Variants in SULF1 observed in about 807,000 individuals in gnomAD.
SULF1 encodes the protein extracellular sulfatase Sulf-1.
SULF1 carries 46 observed loss-of-function variants against 110.5 expected under a neutral mutation model. The ratio of observed to expected loss-of-function variants is 0.42; its 90% CI spans 0.33 to 0.53. The LOEUF (loss-of-function observed/expected upper bound fraction) is 0.53, where lower values mean the gene tolerates loss of function less well. Ranked by LOEUF, SULF1 falls within the 20% of genes least tolerant of loss-of-function variation. The pLI is 0.12. For synonymous variants in SULF1, 371 were observed against 387.1 expected, an observed-to-expected ratio of 0.96 and a Z score of 0.49; for missense variants, 941 against 1,094.2, an observed-to-expected ratio of 0.86 and a Z score of 1.98.
At chr8:69,593,095 A>G (rs553807664) in intron 8 of SULF1, 5 of 395,170 alleles carry the variant, frequency 1.3e-5, no homozygotes, top group South Asian at 1.0e-4. Flanking sequence ...TGCACCTAGA[A>G]TGTGGTCTCC....
In SULF1 at chr8:69,659,126, T is replaced by C. The variant is rs773376768; in HGVS notation, c.*591T>C. On this transcript the variant is annotated 3_prime_UTR_variant, in exon 23 of 23. Coordinates refer to ENST00000402687, the MANE Select transcript of SULF1 (RefSeq NM_001128205.2). ...CAGTATGGTGGTCCTGGAAAGGACA[T>C]TTTTGAAGATCAACTATATCTTCCT... 2.2e-6 allele frequency: 1 copy of C among 456,606 alleles called. No homozygotes were observed. Among genetic ancestry groups the C allele is most frequent in the Admixed American group, 2.3e-5 (1 of 42,556 alleles). 28.3% of individuals were successfully genotyped at this position (456,606 alleles called of 1,614,324 possible).
At chr8:69,500,121 A>G (rs1810691430) in intron 2 of SULF1, among the ~76,000 whole-genome samples, 1 of 152,186 alleles carries the variant, frequency 6.6e-6, no homozygotes, top group Admixed American at 6.5e-5. Context: ...TTCTGGTCTC[A>G]TTTCATGAAA....
chr8:69,650,367 C>T (rs1004916044), intron 22 of SULF1, among the ~76,000 whole-genome samples: 2 of 152,120 alleles, frequency 1.3e-5, no homozygotes, highest in African/African-American at 4.8e-5. Flanking sequence ...TATGGAGGCT[C>T]ACACCTGTAA....
chr8:69,601,362 T>C (rs1807789834), intron 9 of SULF1, among the ~76,000 whole-genome samples: 1 of 152,160 alleles, frequency 6.6e-6, no homozygotes, highest in South Asian at 2.1e-4. Context: ...CCTATAAAGT[T>C]TGATGGTAGA....
chr8:69,621,131 C>T lies in SULF1; in HGVS notation c.1474C>T (p.Leu492Phe), dbSNP rs201173589. ...LLTVRQSTRN[L>F]YARGFHDKDK... ...CACAGTCCGGCAGAGCACGCGGAAC[C>T]TCTACGCTCGCGGCTTCCATGACAA... is the stretch of plus-strand genomic sequence containing the variant. The change falls in exon 14 of 23, where the codon CTC becomes TTC. Residue 492 changes from leucine to phenylalanine, a missense_variant. Around this residue, in one of 3 missense-constraint regions of SULF1, gnomAD observed 822 missense variants for 934.3 expected, o/e 0.88. Coordinates refer to ENST00000402687, the MANE Select transcript of SULF1 (RefSeq NM_001128205.2). The T allele has an allele frequency of 6.2e-7, 1 of 1,614,138 alleles. No homozygotes were observed. The highest frequency in any genetic ancestry group is 2.2e-5 in the East Asian group (1 of 44,872).
chr8:69,562,433 A>C (rs1413643382), intron 3 of SULF1, among the ~76,000 whole-genome samples: 1 of 152,228 alleles, frequency 6.6e-6, no homozygotes, highest in Admixed American at 6.5e-5. Context: ...TGCAGATCAA[A>C]ATACAGATTC....
chr8:69,618,161 T>A (rs1249610890), intron 13 of SULF1, among the ~76,000 whole-genome samples: 23 of 152,240 alleles, frequency 1.5e-4, no homozygotes, highest in Non-Finnish European at 2.9e-5. Flanking sequence ...TTAATTAAGT[T>A]GACTTCACAG....
Position 69,638,440 on chromosome 8 carries a change from C to A in SULF1, c.2285-62C>A, listed in dbSNP as rs1378512216. Reference sequence around the variant, plus strand: ...TAAAGATAAGGGAACACTGGAATGGCAAGCCTGCCTAAGGTTTTTCACTCT... The same window carrying A: ...TAAAGATAAGGGAACACTGGAATGGAAAGCCTGCCTAAGGTTTTTCACTCT... On this transcript the variant is annotated intron_variant, in intron 19 of 22. Transcript: ENST00000402687. 1.1e-5 allele frequency: 17 copies of A among 1,565,262 alleles called. No homozygotes were observed. The East Asian group carries it at 3.8e-4, about 35-fold the overall frequency.
chr8:69,493,948 ACAACTT>A (rs1432354587), intron 1 of SULF1, among the ~76,000 whole-genome samples: 1 of 151,888 alleles, frequency 6.6e-6, no homozygotes, highest in Non-Finnish European at 1.5e-5. Context: ...GAAGAAAGAC[ACAACTT>A]CTGAATACTT....
intron 3 of SULF1, among the ~76,000 whole-genome samples, chr8:69,503,848 G>A (rs1810980449): frequency 6.6e-6 from 1 of 151,770 alleles, no homozygotes. Context: ...TTGCCAGGCT[G>A]GAATGCAGTG....
Position 69,638,624 on chromosome 8 carries a change from A to G in SULF1, c.2407A>G (p.Met803Val). The G allele has an allele frequency of 6.2e-7, 1 of 1,613,280 alleles. No homozygotes were observed. Among genetic ancestry groups the G allele is most frequent in the Non-Finnish European group, 8.5e-7 (1 of 1,179,856 alleles). The change falls in exon 20 of 23, where the codon ATG becomes GTG. Residue 803 changes from methionine (M) to valine (V), a missense_variant. By Grantham distance (21) the Met-to-Val change is conservative. Transcript: ENST00000402687. Reference sequence around the variant, plus strand: ...TACTGGCTTTTTGGAGTATTTTGATATGAATACAGATCCTTATCAGGTAAG... The same window carrying G: ...TACTGGCTTTTTGGAGTATTTTGATGTGAATACAGATCCTTATCAGGTAAG... The part of the protein sequence containing the change: ...FATGFLEYFD[M>V]NTDPYQLTNT...
At chr8:69,605,323 A>G (rs6472468) in intron 13 of SULF1, among the ~76,000 whole-genome samples, 116,668 of 152,156 alleles carry the variant, frequency 0.77, 45,301 homozygotes, top group African/African-American at 0.88. Context: ...GAGACATGAT[A>G]GGGCCTTCAC....
intron 8 of SULF1, among the ~76,000 whole-genome samples, chr8:69,595,190 A>C (rs1586501199): frequency 6.6e-6 from 1 of 152,204 alleles, no homozygotes; most frequent in African/African-American, 2.4e-5. Context: ...TATTTTTTAA[A>C]GGAAGGCCCA....
At chr8:69,523,180 C>T (rs1812430529) in intron 3 of SULF1, among the ~76,000 whole-genome samples, 1 of 152,104 alleles carries the variant, frequency 6.6e-6, no homozygotes. Flanking sequence ...GAATCAGCTT[C>T]AGACAGAGAG....
chr8:69,562,378 T>C (rs750030919), intron 3 of SULF1, among the ~76,000 whole-genome samples: 3 of 152,194 alleles, frequency 2.0e-5, no homozygotes, highest in Non-Finnish European at 4.4e-5. Context: ...ATGCGATGCT[T>C]ACACTTAATT....
At chr8:69,479,516 A>G (rs769105878) in intron 1 of SULF1, among the ~76,000 whole-genome samples, 2 of 152,208 alleles carry the variant, frequency 1.3e-5, no homozygotes, top group Non-Finnish European at 2.9e-5. Context: ...CTTAGAAGAA[A>G]GACGAACTTA....
At chr8:69,520,789 T>G (rs1483638291) in intron 3 of SULF1, among the ~76,000 whole-genome samples, 3 of 152,176 alleles carry the variant, frequency 2.0e-5, no homozygotes, top group African/African-American at 7.2e-5. Context: ...TTGAAATGAT[T>G]TATCAGCTTG....
At chr8:69,621,573 G>A (rs1586570900) in intron 14 of SULF1, among the ~76,000 whole-genome samples, 1 of 152,160 alleles carries the variant, frequency 6.6e-6, no homozygotes, top group African/African-American at 2.4e-5. Context: ...TTATTTTATC[G>A]TAATGCCAAC....
intron 3 of SULF1, among the ~76,000 whole-genome samples, chr8:69,559,703 G>T (rs1158491463): frequency 1.3e-5 from 2 of 152,136 alleles, no homozygotes; most frequent in Non-Finnish European, 2.9e-5. Context: ...TTAGCTTGCA[G>T]CTCAGCCACC....
Sources: gnomAD v4.1 joint callset for allele counts (sites outside exome capture counted in the v4.1 genomes callset) on GRCh38, gnomAD v4.1.1 for gene constraint, gnomAD v4.1.1 regional missense constraint, MANE v1.5 for transcripts, NCBI Gene and HGNC (gene_info 2026-07-23, HGNC 2026-07-21) for gene names.